Variants in CMTM1 observed in about 807,000 individuals in gnomAD.
The protein encoded by CMTM1 is CKLF like MARVEL transmembrane domain containing 1.
In CMTM1, 16 loss-of-function variants were observed where a neutral mutation model predicts 17.8. That is an observed-to-expected ratio of 0.90 (90% CI 0.61 to 1.37). CMTM1 has a LOEUF of 1.37. CMTM1 is among the 40% of genes most tolerant of loss of function. The probability of loss-of-function intolerance (pLI) is 0.00; values close to 1 mark genes in which losing one functional copy is unlikely to be tolerated. For missense variants in CMTM1, 354 were observed against 375.6 expected (o/e 0.94, Z 0.47); for synonymous variants, 169 against 154.6 (o/e 1.09, Z -0.69).
At chr16:66,569,553 TAATC>T (rs1271915501) in intron 1 of CMTM1, among the ~76,000 whole-genome samples, 1 of 152,242 alleles carries the variant, frequency 6.6e-6, no homozygotes, top group Admixed American at 6.5e-5. Context: ...GATGTTGAGA[TAATC>T]AGCAGCTGTT....
chr16:66,571,048 G>A (rs1167040172), intron 2 of CMTM1: 1 of 433,710 alleles, frequency 2.3e-6, no homozygotes, highest in African/African-American at 2.1e-5. Flanking sequence ...CTTAAAGTCA[G>A]AATGTTCCTT....
chr16:66,577,610 A>G (rs2014401885), intron 3 of CMTM1, among the ~76,000 whole-genome samples: 1 of 152,180 alleles, frequency 6.6e-6, no homozygotes, highest in Non-Finnish European at 1.5e-5. Context: ...TTCAGGAAGG[A>G]AGGAAGGAAA....
At chr16:66,573,933 C>T (rs1045202529) in intron 2 of CMTM1, among the ~76,000 whole-genome samples, 1 of 151,806 alleles carries the variant, frequency 6.6e-6, no homozygotes, top group East Asian at 1.9e-4. Flanking sequence ...GTGATCCACC[C>T]ACCTCAGCCT....
At chr16:66,571,325 C>T (rs779075748) in intron 2 of CMTM1, 3 of 382,132 alleles carry the variant, frequency 7.9e-6, no homozygotes, top group Non-Finnish European at 1.6e-5. Flanking sequence ...TTCATGTCAC[C>T]TTATTTAATC....
chr16:66,577,295 A>G, intron 3 of CMTM1, 93 bp downstream of exon 3: 1 of 980,372 alleles, frequency 1.0e-6, no homozygotes. Context: ...TTAACCAAGC[A>G]AAATCCCCAC....
chr16:66,566,828 A>T lies in CMTM1; in HGVS notation c.315A>T (p.Leu105Phe). 1 of 1,613,484 alleles carries T rather than the reference A, an allele frequency of 6.2e-7. No homozygotes were observed. Among genetic ancestry groups the T allele is most frequent in the Non-Finnish European group, 8.5e-7 (1 of 1,179,924 alleles). ...CTGCACACACTGAATCCAAACTCTTAAATGAGATGGCGATCAAAGAGCGCG... is the reference window on the plus strand; with the variant it reads ...CTGCACACACTGAATCCAAACTCTTTAATGAGATGGCGATCAAAGAGCGCG... ...TPSAHTESKL[L>F]NEMAIKERVE... is the part of the protein sequence containing the mutation. The change falls in exon 1 of 4, where the codon TTA becomes TTT. Residue 105 changes from leucine (L) to phenylalanine (F), a missense_variant. By Grantham distance (22) the Leu-to-Phe change is conservative. Coordinates refer to ENST00000379500, the MANE Select transcript of CMTM1 (RefSeq NM_052999.4). This position sits in a 1 kb window ranked among gnomAD's most constrained non-coding sequence, Gnocchi z 4.9.
chr16:66,566,951 C>T lies in CMTM1; in HGVS notation c.432+6C>T, dbSNP rs917110352. Reference sequence around the variant, plus strand: ...TGTTGAAGATCCTGAGACTGGTGAGCGGAGAGCTGGTGAGACCTAGCTGGG... The same window carrying T: ...TGTTGAAGATCCTGAGACTGGTGAGTGGAGAGCTGGTGAGACCTAGCTGGG... On this transcript the variant is annotated splice_donor_region_variant and intron_variant, in intron 1 of 3. Transcript: ENST00000379500. The surrounding 1 kb of genome is among the most constrained non-coding windows in gnomAD (Gnocchi z 4.9). 3.7e-6 allele frequency: 6 copies of T among 1,613,916 alleles called. No homozygotes were observed. Among genetic ancestry groups the T allele is most frequent in the African/African-American group, 2.7e-5 (2 of 74,898 alleles).
Position 66,579,123 on chromosome 16 carries a change from C to T in CMTM1, c.*122C>T. 2.3e-6 allele frequency: 3 copies of T among 1,321,614 alleles called. No homozygotes were observed. The highest frequency in any genetic ancestry group is 3.0e-6 in the Non-Finnish European group (3 of 988,106). 81.9% of individuals were successfully genotyped at this position (1,321,614 alleles called of 1,614,324 possible). ...TGTGACCATAAAATTAGGGCTGCTG[C>T]TTTTATCGAGAACACCTGCTTCCTC... is the stretch of plus-strand genomic sequence containing the variant. On this transcript the variant is annotated 3_prime_UTR_variant, in exon 4 of 4. Transcript: ENST00000379500. This position sits in a 1 kb window ranked among gnomAD's most constrained non-coding sequence, Gnocchi z 6.5.
At chr16:66,575,008 C>A (rs2014057244) in intron 2 of CMTM1, 1 of 985,246 alleles carries the variant, frequency 1.0e-6, no homozygotes, top group African/African-American at 1.7e-5. Context: ...TATGGGCAGA[C>A]CTCTCGCTCA....
intron 2 of CMTM1, among the ~76,000 whole-genome samples, chr16:66,575,771 C>G (rs114330051): frequency 6.6e-6 from 1 of 152,190 alleles, no homozygotes; most frequent in Non-Finnish European, 1.5e-5. Context: ...TCCATTGGAG[C>G]CACTGTGATT....
intron 2 of CMTM1, among the ~76,000 whole-genome samples, chr16:66,572,861 G>A (rs1272820290): frequency 6.6e-6 from 1 of 152,154 alleles, no homozygotes; most frequent in African/African-American, 2.4e-5. Flanking sequence ...AGGGGTGAGG[G>A]TAAAAGTCTC....
intron 2 of CMTM1, among the ~76,000 whole-genome samples, chr16:66,576,691 A>C (rs2014290709): frequency 6.6e-6 from 1 of 152,198 alleles, no homozygotes; most frequent in Non-Finnish European, 1.5e-5. Flanking sequence ...TTTTATATTA[A>C]AACAAATGAG....
chr16:66,577,038 C>T, intron 2 of CMTM1, 66 bp from the exon 3 acceptor site: 2 of 1,431,250 alleles, frequency 1.4e-6, no homozygotes, highest in Non-Finnish European at 1.9e-6. Context: ...GTGTAATTGA[C>T]CAGTTTAAAT....
chr16:66,566,804 T>G lies in CMTM1; in HGVS notation c.291T>G (p.Ser97=), dbSNP rs779938973. The change falls in exon 1 of 4, where the codon TCT becomes TCG. Residue 97 remains serine (S), a synonymous_variant. Transcript: ENST00000379500. This position sits in a 1 kb window ranked among gnomAD's most constrained non-coding sequence, Gnocchi z 4.9. ...PKPTLPPPTP[S]AHTESKLLNE... ...CCACACTCCCACCCCCCACGCCCTC[T>G]GCACACACTGAATCCAAACTCTTAA... 1 of 1,613,000 alleles carries G rather than the reference T, an allele frequency of 6.2e-7. No homozygotes were observed.
chr16:66,577,973 C>G (rs1030265869), intron 3 of CMTM1, among the ~76,000 whole-genome samples: 10 of 152,214 alleles, frequency 6.6e-5, no homozygotes, highest in Non-Finnish European at 1.2e-4. Context: ...GAGCTCAGTG[C>G]TGGGGATAGA....
chr16:66,570,150 T>A, intron 2 of CMTM1, 56 bp downstream of exon 2: 1 of 1,387,778 alleles, frequency 7.2e-7, no homozygotes, highest in Non-Finnish European at 9.9e-7. Context: ...AGCCCCAGAG[T>A]AAGGGCTCTC....
chr16:66,576,045 C>T (rs148712123), intron 2 of CMTM1, among the ~76,000 whole-genome samples: 42 of 152,356 alleles, frequency 2.8e-4, no homozygotes, highest in Non-Finnish European at 4.7e-4. Flanking sequence ...CACTGCCACG[C>T]ACTCATCCTC....
intron 1 of CMTM1, 60 bp downstream of exon 1, chr16:66,567,005 A>G: frequency 6.4e-7 from 1 of 1,568,748 alleles, no homozygotes; most frequent in Non-Finnish European, 8.8e-7. Context: ...GCCTCGGGGA[A>G]ATGCCCACGG....
Position 66,569,974 on chromosome 16 carries a change from C to CCAATGATCACTCAT in CMTM1, c.474_475insTGATCACTCATCAA (p.Ala159Ter), listed in dbSNP as rs770399306. The CCAATGATCACTCAT allele has an allele frequency of 5.0e-6, 8 of 1,611,912 alleles. No individual in the cohort carries two copies. Among genetic ancestry groups the CCAATGATCACTCAT allele is most frequent in the Non-Finnish European group, 6.8e-6 (8 of 1,179,082 alleles). ...GAGCATTAGCTTGTTTCATCATCAC[C>CCAATGATCACTCAT]CAAGCCAATGAGTCATTTATAACAA... On this transcript the variant is annotated stop_gained and frameshift_variant, in exon 2 of 4. Coordinates refer to ENST00000379500, the MANE Select transcript of CMTM1 (RefSeq NM_052999.4). LOFTEE classifies it high-confidence loss of function.
Sources: gnomAD v4.1 joint callset for allele counts (sites outside exome capture counted in the v4.1 genomes callset) on GRCh38, gnomAD v4.1.1 for gene constraint, Gnocchi (gnomAD v3.1) non-coding constraint, MANE v1.5 for transcripts, NCBI Gene and HGNC (gene_info 2026-07-23, HGNC 2026-07-21) for gene names.